The following FAM168A variants were observed in gnomAD, a reference collection of about 807,000 sequenced individuals.
FAM168A encodes the protein protein FAM168A.
FAM168A carries 3 observed loss-of-function variants against 28.5 expected under a neutral mutation model. The observed-to-expected ratio is 0.11, with a 90% CI of 0.05 to 0.27. FAM168A has a LOEUF of 0.27. Among genes scored for constraint, FAM168A ranks in the 10% least tolerant of loss-of-function variants. The pLI is 1.00. For synonymous variants in FAM168A, 122 were observed against 124.2 expected (o/e 0.98, Z 0.12); for missense variants, 222 against 311.5 (o/e 0.71, Z 2.16).
intron 2 of FAM168A, among the ~76,000 whole-genome samples, chr11:73,464,687 T>C (rs1867706153): frequency 6.6e-6 from 1 of 152,240 alleles, no homozygotes; most frequent in South Asian, 2.1e-4. Flanking sequence ...ACACTTCTTA[T>C]ACTCCATCTT....
At chr11:73,588,776 T>C (rs949342407) in intron 1 of FAM168A, among the ~76,000 whole-genome samples, 3 of 152,182 alleles carry the variant, frequency 2.0e-5, no homozygotes, top group Non-Finnish European at 4.4e-5. Flanking sequence ...CTCAATGTGA[T>C]AGTATCTGGA....
intron 2 of FAM168A, among the ~76,000 whole-genome samples, chr11:73,454,587 C>T (rs575443802): frequency 1.3e-5 from 2 of 151,860 alleles, no homozygotes; most frequent in African/African-American, 4.9e-5. Context: ...AGCCTGAAAC[C>T]GCGGCCCAAA....
At chr11:73,566,675 G>A (rs1944023755) in intron 1 of FAM168A, among the ~76,000 whole-genome samples, 1 of 152,198 alleles carries the variant, frequency 6.6e-6, no homozygotes, top group African/African-American at 2.4e-5. Context: ...TTGGATTCAA[G>A]TCCCAGTCTG....
At chr11:73,472,200 A>G (rs549914977) in intron 1 of FAM168A, among the ~76,000 whole-genome samples, 4 of 152,162 alleles carry the variant, frequency 2.6e-5, no homozygotes, top group Non-Finnish European at 5.9e-5. Context: ...AGGGAGTGCT[A>G]AGGGCAGGTT....
At chr11:73,491,504 G>T (rs999687530) in intron 1 of FAM168A, among the ~76,000 whole-genome samples, 1 of 152,154 alleles carries the variant, frequency 6.6e-6, no homozygotes, top group Non-Finnish European at 1.5e-5. Context: ...AATTATTGAG[G>T]TATTTATTCT....
chr11:73,427,087 G>T (rs548248800), intron 3 of FAM168A, among the ~76,000 whole-genome samples: 25 of 152,204 alleles, frequency 1.6e-4, no homozygotes, highest in African/African-American at 5.8e-4. Context: ...CGCCTCCCGG[G>T]TTCAAGCAAT....
At chr11:73,542,088 T>A (rs183123151) in intron 1 of FAM168A, among the ~76,000 whole-genome samples, 2 of 152,178 alleles carry the variant, frequency 1.3e-5, no homozygotes, top group Non-Finnish European at 2.9e-5. Context: ...TGTTAGAGTG[T>A]CCAGAGTTTG....
At chr11:73,432,304 T>C (rs902963957) in intron 2 of FAM168A, among the ~76,000 whole-genome samples, 31 of 152,318 alleles carry the variant, frequency 2.0e-4, no homozygotes, top group African/African-American at 7.2e-4. Context: ...AGTAGAATTG[T>C]TGGGTCATAT....
At chr11:73,451,925 T>C (rs977845780) in intron 2 of FAM168A, 1 of 152,272 alleles carries the variant, frequency 6.6e-6, no homozygotes, top group Non-Finnish European at 1.5e-5. Context: ...GCTTCTCTAC[T>C]TCCTGGCTCT....
chr11:73,548,733 T>C (rs558769712), intron 1 of FAM168A, among the ~76,000 whole-genome samples: 61 of 152,256 alleles, frequency 4.0e-4, no homozygotes, highest in African/African-American at 1.4e-3. Context: ...CTTGACTTCC[T>C]GGGCTCAAGT....
chr11:73,518,563 A>G (rs1943334148), intron 1 of FAM168A, among the ~76,000 whole-genome samples: 2 of 151,540 alleles, frequency 1.3e-5, no homozygotes, highest in South Asian at 4.2e-4. Flanking sequence ...GTGGTGGGGG[A>G]AAAGTTCTTG....
intron 1 of FAM168A, among the ~76,000 whole-genome samples, chr11:73,539,335 T>C (rs1943624848): frequency 6.6e-6 from 1 of 152,148 alleles, no homozygotes; most frequent in Admixed American, 6.5e-5. Flanking sequence ...AGTGGCACGA[T>C]CTTGGCTCAC....
chr11:73,544,719 ATTTTATATG>A (rs1393206207), intron 1 of FAM168A, among the ~76,000 whole-genome samples: 1 of 116,096 alleles, frequency 8.6e-6, no homozygotes, highest in East Asian at 2.2e-4. Flanking sequence ...ATAATTATAT[ATTTTATATG>A]TAATTATATA....
At chr11:73,410,243 T>C (rs979023440) in intron 5 of FAM168A, among the ~76,000 whole-genome samples, 1 of 151,862 alleles carries the variant, frequency 6.6e-6, no homozygotes, top group Admixed American at 6.6e-5. Context: ...CCATCTCTAC[T>C]AAAAATACAA....
chr11:73,487,644 C>T (rs1413644763), intron 1 of FAM168A, among the ~76,000 whole-genome samples: 1 of 152,126 alleles, frequency 6.6e-6, no homozygotes, highest in East Asian at 1.9e-4. Flanking sequence ...CTCCACTGAT[C>T]TTGACATTTC....
In FAM168A at chr11:73,426,591, A is replaced by G. The variant is rs554410333; in HGVS notation, c.151+4099T>C. ...TTTCTGACCTTGAGCCAGCTTCTCC[A>G]TGGTAGGAAGTCCCCCAGTCAGGAA... is the stretch of plus-strand genomic sequence containing the variant. On this transcript the variant is annotated intron_variant, in intron 3 of 7. Coordinates refer to ENST00000356467, the MANE Select transcript of FAM168A (RefSeq NM_015159.3). 3.9e-5 allele frequency among the ~76,000 whole-genome samples: 6 copies of G among 152,190 alleles called. No homozygotes were observed. The East Asian group carries it at 1.2e-3, about 29-fold the overall frequency.
intron 1 of FAM168A, chr11:73,580,110 T>C: frequency 2.9e-6 from 1 of 341,098 alleles, no homozygotes; most frequent in South Asian, 2.4e-5. Flanking sequence ...CTACAATCTG[T>C]CAAAATATAA....
At chr11:73,417,005 G>C (rs1298551955) in intron 4 of FAM168A, among the ~76,000 whole-genome samples, 13 of 152,138 alleles carry the variant, frequency 8.5e-5, no homozygotes. Context: ...TAGCCTGTCT[G>C]GGAGGGAACA....
intron 1 of FAM168A, among the ~76,000 whole-genome samples, chr11:73,513,366 T>A (rs533813860): frequency 1.4e-5 from 2 of 147,332 alleles, no homozygotes; most frequent in South Asian, 4.2e-4. Flanking sequence ...TCCAACACCA[T>A]GCCCAGCTAA....
Sources: gnomAD v4.1 joint callset for allele counts (sites outside exome capture counted in the v4.1 genomes callset) on GRCh38, gnomAD v4.1.1 for gene constraint, MANE v1.5 for transcripts, NCBI Gene and HGNC (gene_info 2026-07-23, HGNC 2026-07-21) for gene names.